The following DLGAP1 variants were observed in gnomAD, a reference collection of about 807,000 sequenced individuals.
DLGAP1 encodes the protein disks large-associated protein 1.
Under a neutral mutation model 90.8 loss-of-function variants are expected in DLGAP1, and 11 were observed. That is an observed-to-expected ratio of 0.12 (90% CI 0.08 to 0.20). The LOEUF (loss-of-function observed/expected upper bound fraction) is 0.20, where lower values mean the gene tolerates loss of function less well. Ranked by LOEUF, DLGAP1 falls within the 10% of genes least tolerant of loss-of-function variation. DLGAP1 has a pLI of 1.00. For missense variants in DLGAP1, 1,050 were observed against 1,333.8 expected (o/e 0.79, Z 3.31); for synonymous variants, 558 against 540.7 (o/e 1.03, Z -0.44).
chr18:4,314,712 G>A (rs887683944), intron 1 of DLGAP1, among the ~76,000 whole-genome samples: 1 of 152,120 alleles, frequency 6.6e-6, no homozygotes, highest in African/African-American at 2.4e-5. Flanking sequence ...AATCAGTGAA[G>A]ACATCCAGAA....
chr18:4,114,056 C>CTTTTTTTTTTTTT (rs58180172), intron 2 of DLGAP1, among the ~76,000 whole-genome samples: 1 of 106,910 alleles, frequency 9.4e-6, no homozygotes, highest in African/African-American at 3.4e-5. Flanking sequence ...ATGCCTCTGG[C>CTTTTTTTTTTTTT]TTTTTTTTTT....
chr18:3,710,729 C>T (rs1055606334), intron 7 of DLGAP1, among the ~76,000 whole-genome samples: 3 of 152,194 alleles, frequency 2.0e-5, no homozygotes, highest in African/African-American at 7.2e-5. Flanking sequence ...AAAAAGTAAG[C>T]ATTGCAAAGG....
At chr18:4,139,740 T>A (rs2076465048) in intron 2 of DLGAP1, among the ~76,000 whole-genome samples, 1 of 152,000 alleles carries the variant, frequency 6.6e-6, no homozygotes, top group Non-Finnish European at 1.5e-5. Context: ...TATTATTTTA[T>A]TGGATTCCAT....
intron 2 of DLGAP1, among the ~76,000 whole-genome samples, chr18:4,085,433 T>C (rs897940014): frequency 1.3e-5 from 2 of 152,194 alleles, no homozygotes; most frequent in African/African-American, 4.8e-5. Context: ...GTTTGTTACC[T>C]AGGAAGCCTT....
At chr18:4,092,326 T>C (rs12971086) in intron 2 of DLGAP1, among the ~76,000 whole-genome samples, 52,561 of 152,000 alleles carry the variant, frequency 0.35, 9,593 homozygotes, top group African/African-American at 0.47. Context: ...CGAAGAGGTT[T>C]TCCATTGTCC....
At chr18:3,984,534 T>C (rs1568334506) in intron 3 of DLGAP1, among the ~76,000 whole-genome samples, 2 of 152,166 alleles carry the variant, frequency 1.3e-5, no homozygotes, top group Admixed American at 6.5e-5. Context: ...GAGACTGATG[T>C]ACTCCTCTCA....
intron 3 of DLGAP1, among the ~76,000 whole-genome samples, chr18:3,934,228 T>C (rs1046263243): frequency 6.6e-5 from 10 of 152,208 alleles, no homozygotes; most frequent in African/African-American, 2.2e-4. Context: ...TAAAAGTAGA[T>C]TGCAGTGATG....
In DLGAP1 at chr18:4,286,486, C is replaced by A. The variant is rs186450431; in HGVS notation, c.-266-135199G>T. Among the ~76,000 whole-genome samples the A allele has an allele frequency of 2.2e-4, 34 of 152,124 alleles. No individual in the cohort carries two copies. In the East Asian group the frequency reaches 6.6e-3, roughly 30 times the overall value. The stretch of plus-strand genomic sequence containing the variant: ...TGCTGAGGGTCTGGGAGGAAGCCAC[C>A]CCCAGGACACAGGACTTTTAGGACT... On this transcript the variant is annotated intron_variant, in intron 1 of 12. Coordinates refer to ENST00000315677, the MANE Select transcript of DLGAP1 (RefSeq NM_004746.4).
At chr18:3,625,315 G>A (rs1192007423) in intron 7 of DLGAP1, among the ~76,000 whole-genome samples, 2 of 152,192 alleles carry the variant, frequency 1.3e-5, no homozygotes, top group East Asian at 3.8e-4. Flanking sequence ...CCCACCCCGT[G>A]AGAGGTTGTG....
Position 3,582,036 on chromosome 18 carries a change from C to T in DLGAP1, c.1804G>A (p.Ala602Thr). 3.7e-6 allele frequency: 6 copies of T among 1,612,386 alleles called. No homozygotes were observed. The highest frequency in any genetic ancestry group is 5.1e-6 in the Non-Finnish European group (6 of 1,179,768). ...SLDSMKALTA[A>T]IEAANAQIHG... ...ATCTGGGCGTTTGCAGCTTCGATGGCGGCTGTCAGAGCCTTCATACTGTCC... is the reference window on the plus strand; with the variant it reads ...ATCTGGGCGTTTGCAGCTTCGATGGTGGCTGTCAGAGCCTTCATACTGTCC... Residue 602 changes from alanine to threonine, a missense_variant, in exon 8 of 13, where the codon GCC (alanine) becomes ACC (threonine). Physicochemically the swap from Ala to Thr is moderately conservative, Grantham distance 58 (BLOSUM62 0). Coordinates refer to ENST00000315677, the MANE Select transcript of DLGAP1 (RefSeq NM_004746.4).
intron 4 of DLGAP1, among the ~76,000 whole-genome samples, chr18:3,864,355 C>T (rs1324301027): frequency 1.3e-5 from 2 of 152,158 alleles, no homozygotes; most frequent in Non-Finnish European, 2.9e-5. Flanking sequence ...TTTCACTTCT[C>T]AGTTCCTTAG....
At chr18:3,680,575 CAGG>C (rs2060475711) in intron 7 of DLGAP1, among the ~76,000 whole-genome samples, 1 of 152,146 alleles carries the variant, frequency 6.6e-6, no homozygotes. Flanking sequence ...ATCATGGAGT[CAGG>C]AGATCAAGAC....
intron 9 of DLGAP1, among the ~76,000 whole-genome samples, chr18:3,536,384 C>T (rs997522767): frequency 2.0e-5 from 3 of 151,846 alleles, no homozygotes; most frequent in Non-Finnish European, 2.9e-5. Flanking sequence ...CCACCATGCC[C>T]ATCTAATTTT....
At chr18:4,223,866 G>A (rs2078130828) in intron 1 of DLGAP1, among the ~76,000 whole-genome samples, 1 of 152,198 alleles carries the variant, frequency 6.6e-6, no homozygotes, top group Non-Finnish European at 1.5e-5. Flanking sequence ...CCATAGGAAG[G>A]TGAATGTCTA....
In DLGAP1 at chr18:3,534,628, GA is replaced by G. The variant is rs2052223587; in HGVS notation, c.2058-14del. On this transcript the variant is annotated splice_polypyrimidine_tract_variant and intron_variant, in intron 9 of 12. Coordinates refer to ENST00000315677, the MANE Select transcript of DLGAP1 (RefSeq NM_004746.4). ...GAACCTGCGGAAGCTTGGGAGAATA[GA>G]AAAAAGAAATTTAGTTAGAGGATAT... The G allele has an allele frequency of 3.3e-6, 5 of 1,519,406 alleles. No individual in the cohort carries two copies. The highest frequency in any genetic ancestry group is 2.3e-5 in the East Asian group (1 of 43,458). The allele number at this position is 1,519,406 out of a possible 1,614,324, so 94.1% of individuals were successfully genotyped here. A position where few individuals can be genotyped will look rare whatever the true frequency, so the allele number is the denominator to read the frequency against.
At chr18:4,298,277 G>T (rs140179604) in intron 1 of DLGAP1, among the ~76,000 whole-genome samples, 2 of 152,034 alleles carry the variant, frequency 1.3e-5, no homozygotes, top group African/African-American at 4.8e-5. Flanking sequence ...GAAAATTTGC[G>T]TATACACAAA....
chr18:4,244,869 G>A (rs1182920341), intron 1 of DLGAP1, among the ~76,000 whole-genome samples: 2 of 152,154 alleles, frequency 1.3e-5, no homozygotes, highest in East Asian at 3.8e-4. Context: ...ATGGTTCTTA[G>A]CCAAGTACTT....
intron 7 of DLGAP1, among the ~76,000 whole-genome samples, chr18:3,638,404 T>C (rs184105471): frequency 1.3e-5 from 2 of 152,090 alleles, no homozygotes. Context: ...TGTACCGCCA[T>C]GCCTGGCTAG....
chr18:3,918,756 C>T (rs962977761), intron 3 of DLGAP1, among the ~76,000 whole-genome samples: 9 of 152,062 alleles, frequency 5.9e-5, no homozygotes, highest in Non-Finnish European at 1.0e-4. Context: ...TTGAATGTGA[C>T]GATAGACCAT....
Sources: gnomAD v4.1 joint callset for allele counts (sites outside exome capture counted in the v4.1 genomes callset) on GRCh38, gnomAD v4.1.1 for gene constraint, MANE v1.5 for transcripts, NCBI Gene and HGNC (gene_info 2026-07-23, HGNC 2026-07-21) for gene names.